Variants in RPS6KC1 observed in about 807,000 individuals in gnomAD.
RPS6KC1 encodes inactive ribosomal protein S6 kinase delta-1.
A neutral mutation model predicts 103.8 loss-of-function variants in RPS6KC1; 54 were observed. That is an observed-to-expected ratio of 0.52 (90% confidence interval 0.42 to 0.65). The LOEUF (loss-of-function observed/expected upper bound fraction) is 0.65, where lower values mean the gene tolerates loss of function less well. Ranked by LOEUF, RPS6KC1 falls within the 30% of genes least tolerant of loss-of-function variation. The probability of loss-of-function intolerance (pLI) is 0.00; values close to 1 mark genes in which losing one functional copy is unlikely to be tolerated. For missense variants in RPS6KC1, 1,151 were observed against 1,253.8 expected, an observed-to-expected ratio of 0.92 and a Z score of 1.24; for synonymous variants, 439 against 438.7, an observed-to-expected ratio of 1.00 and a Z score of -0.01.
At chr1:213,860,654 TAGCA>T in the RPS6KC1 span, among the ~76,000 whole-genome samples, 8 of 152,120 alleles carry the variant, frequency 5.3e-5, no homozygotes, top group Admixed American at 4.6e-4. Context: ...GAGTCAGGAA[TAGCA>T]CTATATGTTT....
At chr1:213,852,548 T>C in the RPS6KC1 span, among the ~76,000 whole-genome samples, 1 of 152,264 alleles carries the variant, frequency 6.6e-6, no homozygotes, top group Non-Finnish European at 1.5e-5. Context: ...TCGACAGATC[T>C]GTTTTCGGAT....
At chr1:213,176,666 A>G (rs2091892877) in intron 8 of RPS6KC1, 174 bp downstream of exon 8, 2 of 424,666 alleles carry the variant, frequency 4.7e-6, no homozygotes, top group African/African-American at 1.9e-5. Flanking sequence ...TGAGCAATTC[A>G]TGTAAGGTCA....
the RPS6KC1 span, among the ~76,000 whole-genome samples, chr1:213,349,722 A>T: frequency 2.8e-4 from 43 of 152,190 alleles, no homozygotes; most frequent in Non-Finnish European, 5.3e-4. Flanking sequence ...TCAATATTGT[A>T]TTTCAGCATT....
chr1:213,847,910 CT>C, the RPS6KC1 span, among the ~76,000 whole-genome samples: 4 of 152,184 alleles, frequency 2.6e-5, no homozygotes, highest in African/African-American at 9.6e-5. Flanking sequence ...CCAAAAATTC[CT>C]TAGCATTTTG....
At chr1:213,329,987 C>G in the RPS6KC1 span, among the ~76,000 whole-genome samples, 5 of 152,182 alleles carry the variant, frequency 3.3e-5, no homozygotes, top group Non-Finnish European at 7.3e-5. Flanking sequence ...TCGCTTTGTG[C>G]GGAAAAGCTC....
At chr1:213,277,446 G>T (rs2095114426), downstream of RPS6KC1, among the ~76,000 whole-genome samples, 1 of 152,230 alleles carries the variant, frequency 6.6e-6, no homozygotes, top group Non-Finnish European at 1.5e-5. Flanking sequence ...AGTAACCTGA[G>T]TGAGTAAGTT....
chr1:213,842,155 C>T, the RPS6KC1 span: 1 of 152,498 alleles, frequency 6.6e-6, no homozygotes, highest in East Asian at 1.9e-4. Context: ...TTCATACAGT[C>T]ACATAGTCCT....
At chr1:213,059,782 C>T (rs1006798098) in intron 1 of RPS6KC1, among the ~76,000 whole-genome samples, 11 of 152,136 alleles carry the variant, frequency 7.2e-5, no homozygotes, top group African/African-American at 2.4e-4. Context: ...AAGCAATTCT[C>T]TTGCCTCAGC....
downstream of RPS6KC1, among the ~76,000 whole-genome samples, chr1:213,277,988 G>A (rs1176834929): frequency 6.6e-6 from 1 of 152,136 alleles, no homozygotes; most frequent in African/African-American, 2.4e-5. Flanking sequence ...TGAATTGATT[G>A]AGTCCAGGAG....
chr1:213,445,242 G>A, the RPS6KC1 span, among the ~76,000 whole-genome samples: 8 of 152,202 alleles, frequency 5.3e-5, no homozygotes, highest in East Asian at 1.2e-3. Flanking sequence ...TTATTTCTCC[G>A]TTCATCAGTT....
chr1:213,831,040 G>A, the RPS6KC1 span, among the ~76,000 whole-genome samples: 10 of 152,198 alleles, frequency 6.6e-5, no homozygotes, highest in South Asian at 2.1e-3. Context: ...CATGCCAGAG[G>A]GCTCCTATTC....
chr1:213,440,917 T>A, the RPS6KC1 span, among the ~76,000 whole-genome samples: 2 of 152,154 alleles, frequency 1.3e-5, no homozygotes, highest in Non-Finnish European at 2.9e-5. Context: ...GGGGAAGCCT[T>A]GAGAGCTCAG....
the RPS6KC1 span, among the ~76,000 whole-genome samples, chr1:213,790,854 A>G: frequency 6.6e-6 from 1 of 152,176 alleles, no homozygotes; most frequent in African/African-American, 2.4e-5. Flanking sequence ...AAACCTGAGG[A>G]GTATCTTCTA....
chr1:213,736,046 G>A, the RPS6KC1 span, among the ~76,000 whole-genome samples: 1 of 152,180 alleles, frequency 6.6e-6, no homozygotes, highest in Admixed American at 6.5e-5. Context: ...GATGCCAGGA[G>A]CAGACCTCAT....
the RPS6KC1 span, chr1:213,820,957 A>G: frequency 1.1e-4 from 16 of 152,244 alleles, 1 homozygote; most frequent in Admixed American, 6.5e-4. Context: ...TCTGTCTCCA[A>G]ACATGTTTGT....
chr1:213,717,815 GAACA>G, the RPS6KC1 span, among the ~76,000 whole-genome samples: 1 of 152,274 alleles, frequency 6.6e-6, no homozygotes, highest in African/African-American at 2.4e-5. Flanking sequence ...GCCAGTATCT[GAACA>G]AACAGAGTTT....
the RPS6KC1 span, among the ~76,000 whole-genome samples, chr1:213,557,140 G>A: frequency 2.0e-5 from 3 of 152,084 alleles, no homozygotes; most frequent in Non-Finnish European, 4.4e-5. Flanking sequence ...ACTTTTAGGG[G>A]CCTGCTTCAG....
the RPS6KC1 span, among the ~76,000 whole-genome samples, chr1:213,327,244 G>GAAAGAAAGAA: frequency 1.9e-4 from 28 of 151,306 alleles, no homozygotes; most frequent in Admixed American, 1.6e-3. Context: ...AGAAAAGAAA[G>GAAAGAAAGAA]AAAGAAAGAA....
chr1:213,517,906 G>A, the RPS6KC1 span, among the ~76,000 whole-genome samples: 3 of 152,140 alleles, frequency 2.0e-5, no homozygotes, highest in East Asian at 5.8e-4. Flanking sequence ...TATGAATCTG[G>A]GTGCTCCTGT....
Sources: gnomAD v4.1 joint callset for allele counts (sites outside exome capture counted in the v4.1 genomes callset) on GRCh38, gnomAD v4.1.1 for gene constraint, MANE v1.5 for transcripts, NCBI Gene and HGNC (gene_info 2026-07-23, HGNC 2026-07-21) for gene names.